The following EIF4G3 variants were observed in gnomAD, a reference collection of about 807,000 sequenced individuals.
The protein encoded by EIF4G3 is eIF-4-gamma 3.
A neutral mutation model predicts 186.4 loss-of-function variants in EIF4G3; 34 were observed. The ratio of observed to expected loss-of-function variants is 0.18; its 90% CI spans 0.14 to 0.24. EIF4G3 has a LOEUF of 0.24. Among genes scored for constraint, EIF4G3 ranks in the 10% least tolerant of loss-of-function variants. The pLI is 1.00. For missense variants in EIF4G3, 1,536 were observed against 1,948.5 expected, an observed-to-expected ratio of 0.79 and a Z score of 3.99; for synonymous variants, 673 against 679.5, an observed-to-expected ratio of 0.99 and a Z score of 0.15.
chr1:21,013,001 A>G (rs1051154880), intron 4 of EIF4G3, among the ~76,000 whole-genome samples: 4 of 152,202 alleles, frequency 2.6e-5, no homozygotes, highest in African/African-American at 9.6e-5. Flanking sequence ...CCTAGAACTA[A>G]AGCAGATTTA....
rs193048090 is a variant in EIF4G3 at position 21,102,592 on chromosome 1, T to C, written c.-271-13379A>G. On this transcript the variant is annotated intron_variant, in intron 2 of 36. Transcript: ENST00000602326. ...GGTATTATTTGAAACACAGTATACATATGGCTTAAACTCAGGATTAGGTTC... is the reference window on the plus strand; with the variant it reads ...GGTATTATTTGAAACACAGTATACACATGGCTTAAACTCAGGATTAGGTTC... 3.9e-5 allele frequency among the ~76,000 whole-genome samples: 6 copies of C among 152,320 alleles called. No homozygotes were observed. The East Asian group carries it at 1.2e-3, about 29-fold the overall frequency.
At chr1:20,892,946 C>A (rs1164183863) in intron 18 of EIF4G3, among the ~76,000 whole-genome samples, 1 of 152,022 alleles carries the variant, frequency 6.6e-6, no homozygotes, top group Non-Finnish European at 1.5e-5. Context: ...CTTGTTTTGT[C>A]ACCCAGACTG....
At position 20,810,645 on chromosome 1, in the gene EIF4G3, T is replaced by C; in HGVS notation, c.4744+93A>G. 7 of 1,386,862 alleles carry C rather than the reference T, an allele frequency of 5.0e-6. No individual in the cohort carries two copies. The highest frequency in any genetic ancestry group is 7.0e-6 in the Non-Finnish European group (7 of 999,484). 85.9% of individuals were successfully genotyped at this position (1,386,862 alleles called of 1,614,324 possible). A position where few individuals can be genotyped will look rare whatever the true frequency, so the allele number is the denominator to read the frequency against. ...TTTGTGTTATTAGTGATTCTTTTATTGTCCTTTGTTCGAACCCTAAATCAT... is the reference window on the plus strand; with the variant it reads ...TTTGTGTTATTAGTGATTCTTTTATCGTCCTTTGTTCGAACCCTAAATCAT... On this transcript the variant is annotated intron_variant, in intron 36 of 36. Coordinates refer to ENST00000602326, the MANE Select transcript of EIF4G3 (RefSeq NM_001391906.1). The surrounding 1 kb of genome is among the most constrained non-coding windows in gnomAD (Gnocchi z 4.1).
intron 3 of EIF4G3, among the ~76,000 whole-genome samples, chr1:21,071,428 G>A (rs2095436949): frequency 6.6e-6 from 1 of 152,082 alleles, no homozygotes; most frequent in Non-Finnish European, 1.5e-5. Context: ...AAAAACCAAA[G>A]AGAAACACAT....
rs146002097 is a variant in EIF4G3 at position 20,867,553 on chromosome 1, G to A, written c.2623-2291C>T. Among the ~76,000 whole-genome samples the A allele has an allele frequency of 5.2e-3, 785 of 152,302 alleles. 7 individuals are homozygous for A. Among genetic ancestry groups the A allele is most frequent in the African/African-American group, 0.018 (752 of 41,568 alleles). On this transcript the variant is annotated intron_variant, in intron 20 of 36. Transcript: ENST00000602326. ...GTATTATACCTATCTCTTAGGAGGT[G>A]TTATTGGGAGGATCAAATGAGGTAT...
intron 7 of EIF4G3, among the ~76,000 whole-genome samples, chr1:20,987,434 T>C (rs1048416294): frequency 1.2e-4 from 19 of 152,272 alleles, no homozygotes; most frequent in African/African-American, 4.3e-4. Flanking sequence ...AATTGAAAGT[T>C]TGTGAAATCC....
chr1:21,138,073 T>A (rs1429059881), intron 2 of EIF4G3, among the ~76,000 whole-genome samples: 1 of 152,218 alleles, frequency 6.6e-6, no homozygotes, highest in East Asian at 1.9e-4. Flanking sequence ...CTCCTCCTTT[T>A]GCACTGAATT....
chr1:20,963,811 T>C (rs1300462039), intron 12 of EIF4G3, among the ~76,000 whole-genome samples: 5 of 151,296 alleles, frequency 3.3e-5, no homozygotes, highest in East Asian at 1.9e-4. Flanking sequence ...AAAAATTAGC[T>C]GGCGTGGTGG....
At chr1:20,813,776 G>T (rs1423325022) in intron 34 of EIF4G3, among the ~76,000 whole-genome samples, 1 of 150,470 alleles carries the variant, frequency 6.6e-6, no homozygotes, top group Non-Finnish European at 1.5e-5. Context: ...AACCTGGGAG[G>T]TGGAGGCTGC....
At chr1:20,925,350 C>T (rs1448760395) in intron 14 of EIF4G3, among the ~76,000 whole-genome samples, 1 of 152,104 alleles carries the variant, frequency 6.6e-6, no homozygotes, top group Non-Finnish European at 1.5e-5. Flanking sequence ...TTTCAAATAT[C>T]ACTCAAATCT....
At chr1:20,877,717 A>G (rs2081265403) in intron 20 of EIF4G3, among the ~76,000 whole-genome samples, 1 of 152,222 alleles carries the variant, frequency 6.6e-6, no homozygotes, top group Non-Finnish European at 1.5e-5. Context: ...TTTTATCCTT[A>G]TAATATTACA....
Position 20,899,741 on chromosome 1 carries a change from G to C in EIF4G3, c.1955C>G (p.Ser652Cys). The C allele has an allele frequency of 3.1e-6, 5 of 1,614,128 alleles. No individual in the cohort carries two copies. Among genetic ancestry groups the C allele is most frequent in the Non-Finnish European group, 4.2e-6 (5 of 1,180,010 alleles). ...AACCCCATCACCAGAACTATCTGTGGAGCCTGAATTAGCATCTATTCCTTC... is the reference window on the plus strand; with the variant it reads ...AACCCCATCACCAGAACTATCTGTGCAGCCTGAATTAGCATCTATTCCTTC... The part of the protein sequence containing the change: ...EGEGIDANSG[S>C]TDSSGDGVTF... Residue 652 changes from serine to cysteine, a missense_variant, in exon 16 of 37, where the codon TCC becomes TGC. Ser to Cys is a moderately radical substitution (Grantham distance 112). Coordinates refer to ENST00000602326, the MANE Select transcript of EIF4G3 (RefSeq NM_001391906.1).
chr1:21,160,698 A>C (rs1369688978), intron 2 of EIF4G3, among the ~76,000 whole-genome samples: 1 of 152,218 alleles, frequency 6.6e-6, no homozygotes, highest in Non-Finnish European at 1.5e-5. Context: ...TGGATCAGCA[A>C]TCTTCAAAAG....
chr1:21,138,369 G>A (rs1156741158), intron 2 of EIF4G3, among the ~76,000 whole-genome samples: 1 of 152,148 alleles, frequency 6.6e-6, no homozygotes, highest in Non-Finnish European at 1.5e-5. Context: ...AGAGTGACCT[G>A]AAGAAAAATG....
intron 12 of EIF4G3, among the ~76,000 whole-genome samples, chr1:20,963,318 T>C (rs1232640220): frequency 2.6e-5 from 4 of 152,152 alleles, no homozygotes; most frequent in African/African-American, 7.2e-5. Context: ...AATTTCCCAA[T>C]GTATTTACTG....
intron 2 of EIF4G3, among the ~76,000 whole-genome samples, chr1:21,122,485 C>T (rs1237783966): frequency 6.6e-6 from 1 of 152,130 alleles, no homozygotes; most frequent in East Asian, 1.9e-4. Flanking sequence ...AGGAGAATTA[C>T]TTTTTTTGCA....
intron 2 of EIF4G3, among the ~76,000 whole-genome samples, chr1:21,108,275 T>G (rs1044639200): frequency 2.6e-5 from 4 of 152,222 alleles, no homozygotes; most frequent in Non-Finnish European, 5.9e-5. Flanking sequence ...AAGCTAGGTA[T>G]ATAAAACAGA....
intron 4 of EIF4G3, among the ~76,000 whole-genome samples, chr1:21,017,050 G>A (rs771564325): frequency 1.3e-5 from 2 of 152,122 alleles, no homozygotes; most frequent in African/African-American, 2.4e-5. Context: ...AGCTAAAAAG[G>A]TAGGAGCAGC....
rs888378955 is a variant in EIF4G3, at chr1:20,933,516, G to A, written c.1663+7975C>T. ...CTAAAAATACAAAAATTATCCGGGC[G>A]TGGTGGTGCGCACCTGTAATCCCAG... On this transcript the variant is annotated intron_variant, in intron 14 of 36. Transcript: ENST00000602326. Among the ~76,000 whole-genome samples the A allele has an allele frequency of 3.9e-5, 6 of 152,010 alleles. No homozygotes were observed. In the East Asian group the frequency reaches 9.6e-4, roughly 24 times the overall value.
Sources: gnomAD v4.1 joint callset for allele counts (sites outside exome capture counted in the v4.1 genomes callset) on GRCh38, gnomAD v4.1.1 for gene constraint, Gnocchi (gnomAD v3.1) non-coding constraint, MANE v1.5 for transcripts, NCBI Gene and HGNC (gene_info 2026-07-23, HGNC 2026-07-21) for gene names.